Variants in SGK3 observed in about 807,000 individuals in gnomAD.
SGK3 encodes the protein serine/threonine-protein kinase Sgk3.
In SGK3, 47 loss-of-function variants were observed where a neutral mutation model predicts 68.5. The observed-to-expected ratio is 0.69, with a 90% confidence interval of 0.54 to 0.87. The LOEUF (loss-of-function observed/expected upper bound fraction) is 0.87, where lower values mean the gene tolerates loss of function less well. Ranked by LOEUF, SGK3 falls within the 40% of genes least tolerant of loss-of-function variation. The pLI, the probability that SGK3 is intolerant of heterozygous loss-of-function variation, is 0.00. For synonymous variants in SGK3, 181 were observed against 189.1 expected (o/e 0.96, Z 0.35); for missense variants, 479 against 575.5 (o/e 0.83, Z 1.72).
At chr8:66,804,694 G>T (rs964130476) in intron 4 of SGK3, among the ~76,000 whole-genome samples, 2 of 152,096 alleles carry the variant, frequency 1.3e-5, no homozygotes, top group Non-Finnish European at 2.9e-5. Context: ...TTATAGATAA[G>T]GAAATAAAAC....
chr8:66,781,405 T>C (rs1213451264), intron 1 of SGK3, among the ~76,000 whole-genome samples: 1 of 152,178 alleles, frequency 6.6e-6, no homozygotes, highest in African/African-American at 2.4e-5. Flanking sequence ...TGGGAGTACA[T>C]TGGTGCAATC....
At chr8:66,729,735 TTTTATTTA>T (rs1554592142) in intron 1 of SGK3, among the ~76,000 whole-genome samples, 1 of 150,908 alleles carries the variant, frequency 6.6e-6, no homozygotes, top group African/African-American at 2.5e-5. Context: ...ATTTATTTAT[TTTTATTTA>T]TTTATTTATT....
rs189971957 is a variant in SGK3, at chr8:66,738,820, C to T, written c.-122+25987C>T. ...TTTTTTTTTGTATTTTTAGTAGAGA[C>T]GGGGTTTCACCATGTTAGCCAGGAT... On this transcript the variant is annotated intron_variant, in intron 1 of 16. Coordinates refer to ENST00000521198, the MANE Select transcript of SGK3 (RefSeq NM_001033578.3). Among the ~76,000 whole-genome samples, 510 of 152,088 alleles carry T rather than the reference C, an allele frequency of 3.4e-3. 8 individuals are homozygous for T. The highest frequency in any genetic ancestry group is 7.7e-4 in the East Asian group (4 of 5,168).
chr8:66,779,167 A>G (rs188629340), intron 1 of SGK3, among the ~76,000 whole-genome samples: 19 of 152,310 alleles, frequency 1.2e-4, no homozygotes, highest in Admixed American at 1.1e-3. Context: ...GGTGGTAGAT[A>G]TGAGATACTT....
intron 4 of SGK3, among the ~76,000 whole-genome samples, chr8:66,811,357 C>CATGTATCCAGA (rs1234301834): frequency 1.3e-5 from 2 of 152,140 alleles, no homozygotes; most frequent in African/African-American, 2.4e-5. Flanking sequence ...TGAATTCCAG[C>CATGTATCCAGA]AGATACATTC....
At chr8:66,778,398 G>A (rs1472063050) in intron 1 of SGK3, among the ~76,000 whole-genome samples, 1 of 152,190 alleles carries the variant, frequency 6.6e-6, no homozygotes. Context: ...CCGGGTTCAC[G>A]CCATTCTCCT....
chr8:66,800,379 C>CTTT (rs35415180), intron 3 of SGK3, among the ~76,000 whole-genome samples: 3,849 of 102,118 alleles, frequency 0.038, 49 homozygotes, highest in African/African-American at 0.054. Flanking sequence ...TTTTTCATTT[C>CTTT]TTTTTTTTTT....
rs1440356706 is a variant in SGK3, at chr8:66,860,777, G to T, written c.*1196G>T. ...TATTTCAAAGCTCTTTTCCTAACTG[G>T]TTAAGTAAAATAAAAAATTGAGCTT... On this transcript the variant is annotated 3_prime_UTR_variant, in exon 17 of 17. Coordinates refer to ENST00000521198, the MANE Select transcript of SGK3 (RefSeq NM_001033578.3). 6.6e-6 allele frequency: 1 copy of T among 152,022 alleles called. No homozygotes were observed. The allele number at this position is 152,022 out of a possible 1,614,324, so 9.4% of individuals were successfully genotyped here. A position where few individuals can be genotyped will look rare whatever the true frequency, so the allele number is the denominator to read the frequency against.
intron 10 of SGK3, 94 bp downstream of exon 10, chr8:66,836,168 A>C: frequency 6.8e-7 from 1 of 1,470,126 alleles, no homozygotes; most frequent in Non-Finnish European, 9.1e-7. Flanking sequence ...ACAGTATAAA[A>C]TCAGTAGCTT....
At chr8:66,746,437 A>G (rs1273401704) in intron 1 of SGK3, among the ~76,000 whole-genome samples, 1 of 152,172 alleles carries the variant, frequency 6.6e-6, no homozygotes, top group Non-Finnish European at 1.5e-5. Context: ...AGAGCTGGGC[A>G]TGGTAGCTCA....
At chr8:66,780,970 T>G (rs1414400904) in intron 1 of SGK3, among the ~76,000 whole-genome samples, 2 of 152,082 alleles carry the variant, frequency 1.3e-5, no homozygotes, top group Non-Finnish European at 2.9e-5. Flanking sequence ...TTGTGGGTTT[T>G]GTTTTGTTTT....
At chr8:66,717,024 T>A (rs1804652892) in intron 1 of SGK3, among the ~76,000 whole-genome samples, 1 of 148,172 alleles carries the variant, frequency 6.7e-6, no homozygotes. Context: ...GGCGAAACCC[T>A]GTCTCTACTA....
chr8:66,798,215 C>T (rs1807781197), intron 2 of SGK3, among the ~76,000 whole-genome samples: 1 of 151,942 alleles, frequency 6.6e-6, no homozygotes, highest in Admixed American at 6.6e-5. Flanking sequence ...CCTATGTTGC[C>T]CAGGCTGGTC....
chr8:66,819,359 G>A (rs969733464), intron 5 of SGK3, among the ~76,000 whole-genome samples: 2 of 152,230 alleles, frequency 1.3e-5, no homozygotes, highest in Admixed American at 6.5e-5. Context: ...TAATTCAGAC[G>A]AGTAATTTTA....
At chr8:66,778,430 G>A (rs1342440014) in intron 1 of SGK3, among the ~76,000 whole-genome samples, 1 of 152,138 alleles carries the variant, frequency 6.6e-6, no homozygotes, top group Non-Finnish European at 1.5e-5. Flanking sequence ...CGGAGTAGCT[G>A]GGACTACAGG....
In SGK3 at chr8:66,753,596, G is replaced by A. The variant is rs561955045; in HGVS notation, c.-121-40020G>A. Among the ~76,000 whole-genome samples, 17 of 152,258 alleles carry A rather than the reference G, an allele frequency of 1.1e-4. 1 individual carries two copies. Among genetic ancestry groups the A allele is most frequent in the Admixed American group, 5.2e-4 (8 of 15,288 alleles). On this transcript the variant is annotated intron_variant, in intron 1 of 16. Transcript: ENST00000521198. ...TCCCAGCACTTTGGGAGGCCCAGGAGGGTTGATCACCTGAGGTCAGGAGTT... is the reference window on the plus strand; with the variant it reads ...TCCCAGCACTTTGGGAGGCCCAGGAAGGTTGATCACCTGAGGTCAGGAGTT...
At chr8:66,764,398 A>G (rs1806256906) in intron 1 of SGK3, among the ~76,000 whole-genome samples, 1 of 151,916 alleles carries the variant, frequency 6.6e-6, no homozygotes, top group Non-Finnish European at 1.5e-5. Context: ...TCCTTATTAT[A>G]TTTCCCTCCA....
chr8:66,722,676 T>C (rs1048465809), intron 1 of SGK3, among the ~76,000 whole-genome samples: 1 of 152,200 alleles, frequency 6.6e-6, no homozygotes, highest in African/African-American at 2.4e-5. Context: ...ACTGGTACTG[T>C]ATTAGGTCGT....
intron 16 of SGK3, among the ~76,000 whole-genome samples, chr8:66,858,187 C>T (rs961557210): frequency 9.9e-5 from 15 of 152,058 alleles, no homozygotes; most frequent in African/African-American, 3.1e-4. Flanking sequence ...AATGCTAGGA[C>T]GGGTGCGGTG....
Sources: gnomAD v4.1 joint callset for allele counts (sites outside exome capture counted in the v4.1 genomes callset) on GRCh38, gnomAD v4.1.1 for gene constraint, MANE v1.5 for transcripts, NCBI Gene and HGNC (gene_info 2026-07-23, HGNC 2026-07-21) for gene names.